The following COL8A1 variants were observed in gnomAD, a reference collection of about 807,000 sequenced individuals.
COL8A1 encodes collagen alpha-1(VIII) chain.
A neutral mutation model predicts 42.7 loss-of-function variants in COL8A1; 21 were observed. The observed-to-expected ratio is 0.49, with a 90% CI of 0.35 to 0.71. The LOEUF is 0.71. Ranked by LOEUF, COL8A1 falls within the 30% of genes least tolerant of loss-of-function variation. The pLI is 0.01. For synonymous variants in COL8A1, 367 were observed against 369.1 expected (o/e 0.99, Z 0.06); for missense variants, 788 against 962.4 (o/e 0.82, Z 2.40).
chr3:99,683,762 C>G (rs1938962795), intron 1 of COL8A1, among the ~76,000 whole-genome samples: 1 of 152,102 alleles, frequency 6.6e-6, no homozygotes, highest in African/African-American at 2.4e-5. Context: ...GACTGTGCCA[C>G]AAACAAGCTC....
intron 2 of COL8A1, among the ~76,000 whole-genome samples, chr3:99,770,304 G>A (rs527379948): frequency 3.9e-5 from 6 of 152,294 alleles, no homozygotes; most frequent in African/African-American, 1.4e-4. Context: ...AGGTCAAAGC[G>A]TGACCTTCTT....
intron 1 of COL8A1, among the ~76,000 whole-genome samples, chr3:99,734,874 T>G (rs1296592901): frequency 6.6e-6 from 1 of 152,210 alleles, no homozygotes; most frequent in East Asian, 1.9e-4. Flanking sequence ...ACATCCCTTG[T>G]AAGTTGGATT....
intron 1 of COL8A1, among the ~76,000 whole-genome samples, chr3:99,738,170 A>G (rs1010064657): frequency 6.6e-6 from 1 of 152,144 alleles, no homozygotes. Context: ...TTTGGTTTGA[A>G]TGTCCTCCCA....
chr3:99,639,755 A>C (rs1256004943), intron 1 of COL8A1, among the ~76,000 whole-genome samples: 1 of 152,220 alleles, frequency 6.6e-6, no homozygotes, highest in East Asian at 1.9e-4. Context: ...AACTCTCTCA[A>C]GTGGGAGAAA....
chr3:99,696,628 T>C (rs990933148), intron 1 of COL8A1, among the ~76,000 whole-genome samples: 9 of 152,206 alleles, frequency 5.9e-5, no homozygotes, highest in Non-Finnish European at 1.0e-4. Context: ...GGCCAGCCAC[T>C]GGTGGGAGAT....
At position 99,788,205 on chromosome 3, in the gene COL8A1, G is replaced by A. The variant is rs766132908; in HGVS notation, c.-3-2475G>A. ...CCAGGGCCCTTATATAAATATTCAC[G>A]TTAAAACTGAACAAAGTTTATTTAG... On this transcript the variant is annotated intron_variant, in intron 2 of 3. Transcript: ENST00000652472. Among the ~76,000 whole-genome samples, 85 of 152,040 alleles carry A rather than the reference G, an allele frequency of 5.6e-4. 1 individual carries two copies. Among genetic ancestry groups the A allele is most frequent in the Non-Finnish European group, 1.2e-4 (8 of 68,002 alleles).
intron 1 of COL8A1, among the ~76,000 whole-genome samples, chr3:99,659,305 T>C (rs1938128432): frequency 6.6e-6 from 1 of 152,220 alleles, no homozygotes; most frequent in South Asian, 2.1e-4. Context: ...GGCACATTAG[T>C]CACAACTCCC....
chr3:99,726,944 G>A (rs558740694), intron 1 of COL8A1, among the ~76,000 whole-genome samples: 1 of 152,140 alleles, frequency 6.6e-6, no homozygotes, highest in African/African-American at 2.4e-5. Flanking sequence ...TTCAAATTCT[G>A]TAAAGAAAGT....
chr3:99,640,742 C>G (rs1937491604), intron 1 of COL8A1, among the ~76,000 whole-genome samples: 1 of 152,174 alleles, frequency 6.6e-6, no homozygotes, highest in African/African-American at 2.4e-5. Context: ...ACATACCAAG[C>G]AAGATGACAC....
At chr3:99,786,591 T>A (rs13084413) in intron 2 of COL8A1, among the ~76,000 whole-genome samples, 10,638 of 152,246 alleles carry the variant, frequency 0.07, 435 homozygotes, top group Middle Eastern at 0.085. Flanking sequence ...GCAGCCCTAA[T>A]GACTAAGACA....
chr3:99,723,003 TTGTGTGTGTGTGTG>T (rs34062497), intron 1 of COL8A1, among the ~76,000 whole-genome samples: 1 of 147,078 alleles, frequency 6.8e-6, no homozygotes, highest in Non-Finnish European at 1.5e-5. Flanking sequence ...GAGACCAAAG[TTGTGTGTGTGTGTG>T]TGTGTGTGTG....
At chr3:99,789,048 A>AT (rs1178178982) in intron 2 of COL8A1, among the ~76,000 whole-genome samples, 3 of 152,250 alleles carry the variant, frequency 2.0e-5, no homozygotes, top group Non-Finnish European at 2.9e-5. Flanking sequence ...CTGTTTCTTC[A>AT]TTTTTTCCAG....
chr3:99,685,655 T>G (rs770768003), intron 1 of COL8A1: 1 of 152,238 alleles, frequency 6.6e-6, no homozygotes, highest in Non-Finnish European at 1.5e-5. Context: ...TTCCACATAG[T>G]GTAAATGATT....
At chr3:99,672,149 T>C (rs934468587) in intron 1 of COL8A1, among the ~76,000 whole-genome samples, 9 of 152,176 alleles carry the variant, frequency 5.9e-5, no homozygotes, top group East Asian at 1.9e-4. Context: ...AACTCATCCA[T>C]AGGAAGTTTC....
At chr3:99,708,952 T>A (rs62283460) in intron 1 of COL8A1, among the ~76,000 whole-genome samples, 12,849 of 151,926 alleles carry the variant, frequency 0.085, 625 homozygotes, top group Middle Eastern at 0.11. Flanking sequence ...CAACCCTAAA[T>A]GTTACCTTCC....
At chr3:99,766,928 A>C (rs1396835160) in intron 2 of COL8A1, among the ~76,000 whole-genome samples, 2 of 149,718 alleles carry the variant, frequency 1.3e-5, no homozygotes, top group African/African-American at 2.5e-5. Flanking sequence ...CAGCCTCAGC[A>C]ACAAGAGCGA....
At chr3:99,758,912 C>T (rs933953723) in intron 2 of COL8A1, among the ~76,000 whole-genome samples, 1 of 152,116 alleles carries the variant, frequency 6.6e-6, no homozygotes, top group Non-Finnish European at 1.5e-5. Flanking sequence ...GCACTCTACA[C>T]ATACTAGCTC....
At chr3:99,682,177 G>C (rs1938902718) in intron 1 of COL8A1, among the ~76,000 whole-genome samples, 3 of 152,188 alleles carry the variant, frequency 2.0e-5, no homozygotes, top group African/African-American at 4.8e-5. Flanking sequence ...CACTTTCGGA[G>C]GCCAAGGCGG....
At chr3:99,649,800 C>CACACAT (rs773987251) in intron 1 of COL8A1, among the ~76,000 whole-genome samples, 8 of 152,092 alleles carry the variant, frequency 5.3e-5, no homozygotes, top group Non-Finnish European at 5.9e-5. Flanking sequence ...CACACACACA[C>CACACAT]ACACATACAC....
Sources: allele counts gnomAD v4.1 joint callset (sites outside exome capture counted in the v4.1 genomes callset), GRCh38; gene constraint gnomAD v4.1.1; transcripts MANE v1.5; gene names NCBI Gene and HGNC (gene_info 2026-07-23, HGNC 2026-07-21).